MGMT: variants seen among roughly 807,000 people sequenced by gnomAD.
MGMT encodes O-6-methylguanine-DNA methyltransferase.
In MGMT, 14 loss-of-function variants were observed where a neutral mutation model predicts 15.9. The ratio of observed to expected loss-of-function variants is 0.88; its 90% CI spans 0.58 to 1.37. The LOEUF (loss-of-function observed/expected upper bound fraction) is 1.37. Among genes scored for constraint, MGMT ranks in the 40% most tolerant of loss-of-function variants. The pLI is 0.00. For missense variants in MGMT, 282 were observed against 268.1 expected (o/e 1.05, Z -0.36); for synonymous variants, 130 against 118.2 (o/e 1.10, Z -0.65).
chr10:129,599,403 A>C (rs1267058761), intron 2 of MGMT, among the ~76,000 whole-genome samples: 1 of 152,184 alleles, frequency 6.6e-6, no homozygotes, highest in Non-Finnish European at 1.5e-5. Context: ...TACAAATGCA[A>C]ATGTGCTTGA....
intron 2 of MGMT, among the ~76,000 whole-genome samples, chr10:129,664,241 A>G (rs1262129638): frequency 1.3e-5 from 2 of 152,250 alleles, no homozygotes; most frequent in Non-Finnish European, 2.9e-5. Context: ...AAGTAACTTA[A>G]ACACTGTACT....
intron 3 of MGMT, among the ~76,000 whole-genome samples, chr10:129,733,919 A>G (rs1386417604): frequency 3.3e-5 from 5 of 151,898 alleles, no homozygotes; most frequent in Admixed American, 3.3e-4. Flanking sequence ...ATTGGTCTAT[A>G]TCTCTGTTTT....
At position 129,497,280 on chromosome 10, in the gene MGMT, C is replaced by T. The variant is rs375228372; in HGVS notation, c.-13+29984C>T. Among the ~76,000 whole-genome samples the T allele has an allele frequency of 5.9e-5, 9 of 152,260 alleles. No individual in the cohort carries two copies. In the South Asian group the frequency reaches 1.2e-3, roughly 21 times the overall value. ...CCTGGAGGCAAGGGGAGGGTTTTCACGGAGGGGCGGTGCACAGCTCTGTGC... is the reference window on the plus strand; with the variant it reads ...CCTGGAGGCAAGGGGAGGGTTTTCATGGAGGGGCGGTGCACAGCTCTGTGC... On this transcript the variant is annotated intron_variant, in intron 1 of 4. Transcript: ENST00000651593.
chr10:129,687,797 A>G (rs570679409), intron 2 of MGMT, among the ~76,000 whole-genome samples: 3 of 151,230 alleles, frequency 2.0e-5, no homozygotes, highest in Non-Finnish European at 2.9e-5. Flanking sequence ...TGCTGCACCC[A>G]TTAACTCATC....
intron 2 of MGMT, among the ~76,000 whole-genome samples, chr10:129,639,942 CTGA>C (rs1847308766): frequency 8.9e-6 from 1 of 112,268 alleles, no homozygotes; most frequent in Non-Finnish European, 1.8e-5. Context: ...GGTGGCTAGA[CTGA>C]CCAAAAAAAA....
rs1316011948 is a variant in MGMT at position 129,614,665 on chromosome 10, C to G, written c.125+78288C>G. On this transcript the variant is annotated intron_variant, in intron 2 of 4. Transcript: ENST00000651593. The stretch of plus-strand genomic sequence containing the variant: ...TGGACCATTGCACTTGGTCTCTTGA[C>G]CTCGATGTTGCCCATGAGCAGTGAA... Among the ~76,000 whole-genome samples, 2 of 152,174 alleles carry G rather than the reference C, an allele frequency of 1.3e-5. 1 individual carries two copies. Among genetic ancestry groups the G allele is most frequent in the South Asian group, 4.1e-4 (2 of 4,830 alleles).
intron 2 of MGMT, among the ~76,000 whole-genome samples, chr10:129,577,155 T>C (rs1846493398): frequency 6.6e-6 from 1 of 152,154 alleles, no homozygotes; most frequent in African/African-American, 2.4e-5. Flanking sequence ...AAGCTACCAA[T>C]GACTTTCTTC....
intron 2 of MGMT, among the ~76,000 whole-genome samples, chr10:129,697,584 G>A (rs1483303405): frequency 3.3e-5 from 5 of 152,242 alleles, no homozygotes; most frequent in African/African-American, 1.2e-4. Flanking sequence ...CCTGGCACAT[G>A]TTAGGCACTC....
chr10:129,591,724 G>A (rs1008476340), intron 2 of MGMT, among the ~76,000 whole-genome samples: 1 of 152,206 alleles, frequency 6.6e-6, no homozygotes, highest in Non-Finnish European at 1.5e-5. Context: ...AAGGTCAGGA[G>A]TTCGAGACCA....
intron 1 of MGMT, among the ~76,000 whole-genome samples, chr10:129,488,134 G>A (rs1425997347): frequency 6.6e-6 from 1 of 151,930 alleles, no homozygotes; most frequent in Non-Finnish European, 1.5e-5. Context: ...CTACTCAAGG[G>A]TAGAATGATT....
At chr10:129,755,139 G>A (rs756326604) in intron 3 of MGMT, among the ~76,000 whole-genome samples, 8 of 152,220 alleles carry the variant, frequency 5.3e-5, no homozygotes, top group Non-Finnish European at 1.0e-4. Context: ...TTCTGCCCAG[G>A]TTTTATAAAG....
At chr10:129,657,721 A>G (rs1195994899) in intron 2 of MGMT, among the ~76,000 whole-genome samples, 1 of 148,418 alleles carries the variant, frequency 6.7e-6, no homozygotes, top group Admixed American at 6.7e-5. Context: ...ACACACACAC[A>G]CACACACCCC....
intron 2 of MGMT, among the ~76,000 whole-genome samples, chr10:129,667,171 G>A (rs1247960636): frequency 6.6e-6 from 1 of 152,070 alleles, no homozygotes; most frequent in Non-Finnish European, 1.5e-5. Flanking sequence ...ACAAACCATG[G>A]CGGCCCCTCA....
In MGMT at chr10:129,770,199, G is replaced by A. The variant is rs985610821; in HGVS notation, c.*3202G>A. 7.2e-5 allele frequency among the ~76,000 whole-genome samples: 11 copies of A among 152,266 alleles called. No individual in the cohort carries two copies. The highest frequency in any genetic ancestry group is 2.0e-4 in the Admixed American group (3 of 15,306). ...GGTTTATACTGAAGCCATCAGTTTT[G>A]TTTCTTACATCGTTTGTAAACAGCA... On this transcript the variant is annotated 3_prime_UTR_variant, in exon 5 of 5. Transcript: ENST00000651593.
chr10:129,565,324 T>C (rs1296455637), intron 2 of MGMT, among the ~76,000 whole-genome samples: 3 of 151,930 alleles, frequency 2.0e-5, no homozygotes, highest in Admixed American at 1.3e-4. Flanking sequence ...AGACACAGTC[T>C]ACCCTCTGAA....
intron 1 of MGMT, among the ~76,000 whole-genome samples, chr10:129,519,550 A>G (rs3802690): frequency 0.25 from 37,817 of 152,128 alleles, 5,651 homozygotes; most frequent in African/African-American, 0.42. Flanking sequence ...TACGGAGTTC[A>G]GTGCCGTCAA....
chr10:129,699,053 ATCAT>A (rs1848065388), intron 2 of MGMT, among the ~76,000 whole-genome samples: 1 of 152,298 alleles, frequency 6.6e-6, no homozygotes, highest in Non-Finnish European at 1.5e-5. Context: ...TAGGGACCTG[ATCAT>A]TCATCTATAG....
intron 2 of MGMT, among the ~76,000 whole-genome samples, chr10:129,662,688 T>C (rs1369135375): frequency 2.0e-5 from 3 of 152,062 alleles, no homozygotes; most frequent in Non-Finnish European, 4.4e-5. Context: ...GAGCAGCACA[T>C]GTGAAACACA....
rs1848988439 is a variant in MGMT, at chr10:129,770,502, C to A, written c.*3505C>A. 1.3e-5 allele frequency among the ~76,000 whole-genome samples: 2 copies of A among 152,250 alleles called. No individual in the cohort carries two copies. On this transcript the variant is annotated 3_prime_UTR_variant, in exon 5 of 5. Coordinates refer to ENST00000651593, the MANE Select transcript of MGMT (RefSeq NM_002412.5). The stretch of plus-strand genomic sequence containing the variant: ...CTCCCGGTCTCATCTGCCGCTTGCT[C>A]ACCTTGGCTGTCCATGCACCCGTAG...
Sources: gnomAD v4.1 joint callset for allele counts (sites outside exome capture counted in the v4.1 genomes callset) on GRCh38, gnomAD v4.1.1 for gene constraint, MANE v1.5 for transcripts, NCBI Gene and HGNC (gene_info 2026-07-23, HGNC 2026-07-21) for gene names.